Variants in METTL25 observed in about 807,000 individuals in gnomAD.
The protein encoded by METTL25 is methyltransferase like 25, also known as probable methyltransferase-like protein 25.
METTL25 carries 64 observed loss-of-function variants against 71.6 expected under a neutral mutation model. The observed-to-expected ratio is 0.89, with a 90% CI of 0.73 to 1.10. The LOEUF (loss-of-function observed/expected upper bound fraction) is 1.10, where lower values mean the gene tolerates loss of function less well. METTL25 is among the 50% of genes least tolerant of loss of function. The pLI, the probability that METTL25 is intolerant of heterozygous loss-of-function variation, is 0.00. For missense variants in METTL25, 807 were observed against 707.0 expected, an observed-to-expected ratio of 1.14 and a Z score of -1.60; for synonymous variants, 287 against 250.3, an observed-to-expected ratio of 1.15 and a Z score of -1.38.
In METTL25 at chr12:82,476,612, C is replaced by T. The variant is rs748843498; in HGVS notation, c.1573-32C>T. 69 of 1,343,344 alleles carry T rather than the reference C, an allele frequency of 5.1e-5. No homozygotes were observed. In the Middle Eastern group the frequency reaches 1.3e-3, roughly 25 times the overall value. 83.2% of individuals were successfully genotyped at this position (1,343,344 alleles called of 1,614,324 possible). On this transcript the variant is annotated intron_variant, in intron 9 of 11. Transcript: ENST00000248306. ...ACAAGGAAAAATATTTTTAAACTAT[C>T]GTTAAATTTATTGTTGTTTTTTATC...
chr12:82,412,648 T>G (rs1238344523), intron 5 of METTL25, among the ~76,000 whole-genome samples: 2 of 152,168 alleles, frequency 1.3e-5, no homozygotes, highest in Non-Finnish European at 2.9e-5. Context: ...GCAAATCACC[T>G]TAACTGTGTT....
chr12:82,434,945 ACTC>A (rs1246378692), intron 7 of METTL25, among the ~76,000 whole-genome samples: 1 of 151,406 alleles, frequency 6.6e-6, no homozygotes, highest in Non-Finnish European at 1.5e-5. Context: ...CTCTTATACT[ACTC>A]ATTTCTTTGT....
In METTL25 at chr12:82,358,967, G is replaced by C. The variant is rs558800626; in HGVS notation, c.259+143G>C. 3.7e-5 allele frequency: 34 copies of C among 916,114 alleles called. No individual in the cohort carries two copies. The African/African-American group carries it at 4.9e-4, about 13-fold the overall frequency. 56.7% of individuals were successfully genotyped at this position (916,114 alleles called of 1,614,324 possible). Reference sequence around the variant, plus strand: ...CCCGCTGGGAAACCGAGGAGGGGTCGGATTAGTTGAGGGGTGGGGTGGGGA... The same window carrying C: ...CCCGCTGGGAAACCGAGGAGGGGTCCGATTAGTTGAGGGGTGGGGTGGGGA... On this transcript the variant is annotated intron_variant, in intron 1 of 11. Transcript: ENST00000248306.
At chr12:82,380,379 A>G (rs1884320429) in intron 1 of METTL25, among the ~76,000 whole-genome samples, 1 of 152,142 alleles carries the variant, frequency 6.6e-6, no homozygotes, top group Non-Finnish European at 1.5e-5. Context: ...AAGTTTACCT[A>G]TGTAACAAAC....
chr12:82,453,274 C>A (rs1891273357), intron 8 of METTL25, among the ~76,000 whole-genome samples: 1 of 152,134 alleles, frequency 6.6e-6, no homozygotes, highest in Non-Finnish European at 1.5e-5. Flanking sequence ...GTCTGCATAG[C>A]TTTTCTGTAA....
chr12:82,440,567 T>G (rs781164021), intron 8 of METTL25, among the ~76,000 whole-genome samples: 2 of 152,058 alleles, frequency 1.3e-5, no homozygotes, highest in Non-Finnish European at 2.9e-5. Flanking sequence ...TGTTATTTTT[T>G]TTTAATCCAG....
At chr12:82,373,347 C>T (rs4882435) in intron 1 of METTL25, among the ~76,000 whole-genome samples, 140,612 of 152,116 alleles carry the variant, frequency 0.92, 65,302 homozygotes, top group East Asian at 1. Flanking sequence ...TTGTCTGTGG[C>T]GGGATCCTAA....
At chr12:82,478,819 G>T in intron 11 of METTL25, 113 bp from the exon 12 acceptor site, 1 of 804,482 alleles carries the variant, frequency 1.2e-6, no homozygotes, top group Non-Finnish European at 1.9e-6. Context: ...AGAATTTTCT[G>T]TGAAACAGCT....
At position 82,398,247 on chromosome 12, in the gene METTL25, A is replaced by C. The variant is rs111514898; in HGVS notation, c.532-548A>C. Among the ~76,000 whole-genome samples the C allele has an allele frequency of 1.2e-3, 182 of 147,348 alleles. 2 individuals carry two copies. The highest frequency in any genetic ancestry group is 4.3e-3 in the African/African-American group (174 of 40,214). ...TTTAAAATTTTACTTCCTAATTTTT[A>C]TTTTTCTTTTTTTTTTTATAGAGAC... is the stretch of plus-strand genomic sequence containing the variant. On this transcript the variant is annotated intron_variant, in intron 3 of 11. Coordinates refer to ENST00000248306, the MANE Select transcript of METTL25 (RefSeq NM_032230.3).
At chr12:82,422,319 C>T (rs1888592237) in intron 5 of METTL25, among the ~76,000 whole-genome samples, 1 of 152,078 alleles carries the variant, frequency 6.6e-6, no homozygotes, top group Admixed American at 6.6e-5. Flanking sequence ...TCAATAGATG[C>T]AGAAAAGGCC....
intron 1 of METTL25, among the ~76,000 whole-genome samples, chr12:82,361,513 G>A (rs111387079): frequency 6.6e-6 from 1 of 152,158 alleles, no homozygotes; most frequent in Non-Finnish European, 1.5e-5. Context: ...CCCACGGTGG[G>A]GGGGAGGGGG....
At position 82,389,896 on chromosome 12, in the gene METTL25, A is replaced by G. The variant is rs1288313641; in HGVS notation, c.505A>G (p.Ile169Val). 2.5e-6 allele frequency: 4 copies of G among 1,580,222 alleles called. No individual in the cohort carries two copies. The highest frequency in any genetic ancestry group is 2.6e-6 in the Non-Finnish European group (3 of 1,152,044). Residue 169 changes from isoleucine to valine, a missense_variant, in exon 3 of 12, where the codon ATT becomes GTT. Ile to Val is a conservative substitution (Grantham distance 29, BLOSUM62 3). Transcript: ENST00000248306. Reference protein sequence around the residue: ...VQAMSELISSIADYYGIKQVI... With the variant: ...VQAMSELISSVADYYGIKQVI... ...GGCAATGTCAGAGCTGATCAGCAGT[A>G]TTGCTGACTACTATGGAATAAAGCA...
At chr12:82,447,222 C>T (rs988146184) in intron 8 of METTL25, among the ~76,000 whole-genome samples, 16 of 151,986 alleles carry the variant, frequency 1.1e-4, no homozygotes, top group African/African-American at 3.6e-4. Flanking sequence ...ATACATGCCT[C>T]AGCAGTTTTA....
chr12:82,399,074 A>G lies in METTL25; in HGVS notation c.811A>G (p.Lys271Glu). The G allele has an allele frequency of 1.9e-6, 3 of 1,613,306 alleles. No individual in the cohort carries two copies. Among genetic ancestry groups the G allele is most frequent in the Non-Finnish European group, 2.5e-6 (3 of 1,179,522 alleles). ...VFNNSPTNQE[K>E]MPTSAILPDF... ...TAACAACAGTCCTACAAATCAAGAA[A>G]AGATGCCTACCTCAGCTATTTTGCC... The change falls in exon 4 of 12, where the codon AAG (lysine) becomes GAG (glutamate). Residue 271 changes from lysine (K) to glutamate (E), a missense_variant. By Grantham distance (56) the Lys-to-Glu change is moderately conservative. Coordinates refer to ENST00000248306, the MANE Select transcript of METTL25 (RefSeq NM_032230.3).
intron 1 of METTL25, among the ~76,000 whole-genome samples, chr12:82,368,487 C>A (rs1379699639): frequency 2.0e-5 from 3 of 152,248 alleles, no homozygotes; most frequent in South Asian, 4.2e-4. Flanking sequence ...TATCCGTTTC[C>A]TCTAGCTAGC....
intron 5 of METTL25, among the ~76,000 whole-genome samples, chr12:82,424,399 G>A (rs1888812037): frequency 6.6e-6 from 1 of 152,054 alleles, no homozygotes; most frequent in African/African-American, 2.4e-5. Flanking sequence ...GGTGGGGGAA[G>A]GGGGGAGGGA....
intron 5 of METTL25, among the ~76,000 whole-genome samples, chr12:82,419,328 T>C (rs1411310359): frequency 6.6e-6 from 1 of 152,126 alleles, no homozygotes; most frequent in Admixed American, 6.6e-5. Context: ...ATCAGAAATG[T>C]CCTTATCTCT....
Position 82,378,293 on chromosome 12 carries a change from A to G in METTL25, c.260-8510A>G, listed in dbSNP as rs375757327. On this transcript the variant is annotated intron_variant, in intron 1 of 11. Transcript: ENST00000248306. Reference sequence around the variant, plus strand: ...TTACTTGTTTATTTTCTATACAGCAATTACCTTGAATAATGGCCTGTAAAG... The same window carrying G: ...TTACTTGTTTATTTTCTATACAGCAGTTACCTTGAATAATGGCCTGTAAAG... Among the ~76,000 whole-genome samples, 23 of 152,190 alleles carry G rather than the reference A, an allele frequency of 1.5e-4. No individual in the cohort carries two copies. In the East Asian group the frequency reaches 2.1e-3, roughly 14 times the overall value.
intron 5 of METTL25, among the ~76,000 whole-genome samples, chr12:82,405,418 G>A (rs1887009919): frequency 6.6e-6 from 1 of 151,922 alleles, no homozygotes; most frequent in Admixed American, 6.6e-5. Flanking sequence ...TCAGATTTAG[G>A]TGACTATCAT....
Sources: allele counts gnomAD v4.1 joint callset (sites outside exome capture counted in the v4.1 genomes callset), GRCh38; gene constraint gnomAD v4.1.1; transcripts MANE v1.5; gene names NCBI Gene and HGNC (gene_info 2026-07-23, HGNC 2026-07-21).